CA1: variants seen among roughly 807,000 people sequenced by gnomAD.
The protein encoded by CA1 is carbonic anhydrase 1, also known as carbonate dehydratase I.
CA1 carries 27 observed loss-of-function variants against 28.8 expected under a neutral mutation model. That is an observed-to-expected ratio of 0.94 (90% confidence interval 0.69 to 1.29). CA1 has a LOEUF of 1.29. Among genes scored for constraint, CA1 ranks in the 50% most tolerant of loss-of-function variants. The pLI, the probability that CA1 is intolerant of heterozygous loss-of-function variation, is 0.00. For synonymous variants in CA1, 121 were observed against 108.8 expected (o/e 1.11, Z -0.70); for missense variants, 335 against 310.5 (o/e 1.08, Z -0.59).
At chr8:85,363,098 T>C (rs556445422) in intron 1 of CA1, among the ~76,000 whole-genome samples, 17 of 152,326 alleles carry the variant, frequency 1.1e-4, no homozygotes, top group Admixed American at 2.0e-4. Flanking sequence ...GCCCATTCAC[T>C]TATAATTTAA....
Position 85,327,697 on chromosome 8 carries a change from CAT to C in CA1, c.*861_*862del, listed in dbSNP as rs753135805. On this transcript the variant is annotated 3_prime_UTR_variant, in exon 8 of 8. Transcript: ENST00000523022. ...AAAACACCACACTATACTCCATAAA[CAT>C]GTACAATTATTGTGTGTCAATTAAA... 1 of 152,116 alleles carries C rather than the reference CAT, an allele frequency of 6.6e-6. No individual in the cohort carries two copies. The highest frequency in any genetic ancestry group is 1.5e-5 in the Non-Finnish European group (1 of 68,032). 9.4% of individuals were successfully genotyped at this position (152,116 alleles called of 1,614,324 possible).
chr8:85,341,735 C>T (rs1194618103), intron 1 of CA1, 76 bp from the exon 2 acceptor site: 33 of 816,486 alleles, frequency 4.0e-5, no homozygotes, highest in South Asian at 2.7e-4. Flanking sequence ...CCTGCTTGGG[C>T]GTTTTTATAG....
intron 1 of CA1, chr8:85,349,899 G>A (rs180967432): frequency 1.6e-4 from 24 of 152,246 alleles, no homozygotes; most frequent in African/African-American, 5.3e-4. Context: ...GAATAGGGAG[G>A]AGAAAAAAGC....
intron 1 of CA1, among the ~76,000 whole-genome samples, chr8:85,344,875 T>C (rs1278676577): frequency 6.6e-6 from 1 of 152,170 alleles, no homozygotes; most frequent in Non-Finnish European, 1.5e-5. Context: ...TTCCCTAAAA[T>C]GAGGAAATAT....
At position 85,337,004 on chromosome 8, in the gene CA1, C is replaced by T. The variant is rs758707503; in HGVS notation, c.295G>A (p.Gly99Ser). 1.5e-5 allele frequency: 25 copies of T among 1,613,410 alleles called. No individual in the cohort carries two copies. The highest frequency in any genetic ancestry group is 2.1e-5 in the Non-Finnish European group (25 of 1,179,470). Residue 99 changes from glycine (G) to serine (S), a missense_variant, in exon 4 of 8, where the codon GGC becomes AGC. Transcript: ENST00000523022. ...TCTGAACCATGCTCATTTGTACTGC[C>T]CCAGTGAAAATGGAACTGAAAGAGC... is the stretch of plus-strand genomic sequence containing the variant. ...YRLFQFHFHW[G>S]STNEHGSEHT...
chr8:85,350,813 G>A (rs73267582), intron 1 of CA1, among the ~76,000 whole-genome samples: 5,033 of 152,238 alleles, frequency 0.033, 133 homozygotes, highest in African/African-American at 0.067. Flanking sequence ...TTATGAATGT[G>A]GACTTCTTAG....
Position 85,346,687 on chromosome 8 carries a change from G to A in CA1, c.-24-5028C>T, listed in dbSNP as rs535261540. Among the ~76,000 whole-genome samples the A allele has an allele frequency of 3.3e-4, 50 of 152,172 alleles. 2 individuals are homozygous for A. The South Asian group carries it at 7.5e-3, about 23-fold the overall frequency. ...TGAGGCAGGAGAATCGCTTGAACCC[G>A]GGAGCCAGAGGTTGCAGTGAGCTGA... On this transcript the variant is annotated intron_variant, in intron 1 of 7. Coordinates refer to ENST00000523022, the MANE Select transcript of CA1 (RefSeq NM_001128831.4).
At chr8:85,329,052 G>T (rs1331308891) in intron 7 of CA1, among the ~76,000 whole-genome samples, 1 of 152,100 alleles carries the variant, frequency 6.6e-6, no homozygotes, top group Non-Finnish European at 1.5e-5. Flanking sequence ...CTGTGTTGTT[G>T]TGAAGATTAA....
At chr8:85,369,964 G>A (rs1398121280) in intron 1 of CA1, among the ~76,000 whole-genome samples, 2 of 152,164 alleles carry the variant, frequency 1.3e-5, no homozygotes, top group Non-Finnish European at 2.9e-5. Flanking sequence ...GCTACCTAGG[G>A]TTTAATGTGT....
At chr8:85,333,145 A>G (rs992311152) in intron 5 of CA1, among the ~76,000 whole-genome samples, 3 of 152,126 alleles carry the variant, frequency 2.0e-5, no homozygotes, top group Non-Finnish European at 1.5e-5. Context: ...TTCTGAATCT[A>G]TGATTTCAGG....
intron 1 of CA1, among the ~76,000 whole-genome samples, chr8:85,373,109 A>G (rs1401448826): frequency 6.6e-6 from 1 of 152,202 alleles, no homozygotes; most frequent in Non-Finnish European, 1.5e-5. Context: ...TATCCAGGTA[A>G]TTGTGAAGGA....
intron 1 of CA1, among the ~76,000 whole-genome samples, chr8:85,346,802 A>G (rs923199509): frequency 1.3e-5 from 2 of 151,996 alleles, no homozygotes; most frequent in African/African-American, 4.8e-5. Flanking sequence ...CACAAATATA[A>G]ATGATCAACA....
At chr8:85,357,873 T>C (rs184955894) in intron 1 of CA1, among the ~76,000 whole-genome samples, 2 of 152,330 alleles carry the variant, frequency 1.3e-5, no homozygotes, top group East Asian at 1.9e-4. Flanking sequence ...CCATGAGGAA[T>C]TGGACATAGG....
intron 1 of CA1, among the ~76,000 whole-genome samples, chr8:85,349,567 G>A (rs1336348658): frequency 6.6e-6 from 1 of 152,092 alleles, no homozygotes. Context: ...TTTGTCCATG[G>A]GTGCTGGAGA....
intron 1 of CA1, among the ~76,000 whole-genome samples, chr8:85,364,677 A>G (rs530674088): frequency 6.6e-6 from 1 of 152,338 alleles, no homozygotes; most frequent in Admixed American, 6.5e-5. Flanking sequence ...AGCTATGAAA[A>G]ATCTTATGCT....
chr8:85,354,879 C>G (rs1454804161), intron 1 of CA1, among the ~76,000 whole-genome samples: 1 of 152,178 alleles, frequency 6.6e-6, no homozygotes, highest in African/African-American at 2.4e-5. Context: ...GAATGTCCAA[C>G]CTATACCTGT....
At chr8:85,334,594 CCCTCCCTCCCTTCCTT>C (rs1177172477) in intron 4 of CA1, among the ~76,000 whole-genome samples, 1 of 145,520 alleles carries the variant, frequency 6.9e-6, no homozygotes, top group East Asian at 2.3e-4. Context: ...CTCCCTTCCT[CCCTCCCTCCCTTCCTT>C]CCTCCCTCCC....
intron 1 of CA1, among the ~76,000 whole-genome samples, chr8:85,344,282 TTATATACAGTATATA>T (rs1564029722): frequency 1.2e-5 from 1 of 80,828 alleles, no homozygotes; most frequent in East Asian, 2.6e-4. Context: ...TAATTATATA[TTATATACAGTATATA>T]ATATAATTAT....
chr8:85,346,634 C>T (rs188639764), intron 1 of CA1, among the ~76,000 whole-genome samples: 1 of 152,108 alleles, frequency 6.6e-6, no homozygotes, highest in Admixed American at 6.6e-5. Context: ...TGATGGTAGG[C>T]ACCTGTAATC....
Sources: gnomAD v4.1 joint callset for allele counts (sites outside exome capture counted in the v4.1 genomes callset) on GRCh38, gnomAD v4.1.1 for gene constraint, MANE v1.5 for transcripts, NCBI Gene and HGNC (gene_info 2026-07-23, HGNC 2026-07-21) for gene names.